RCN3: variants seen among roughly 807,000 people sequenced by gnomAD.
The protein encoded by RCN3 is reticulocalbin 3, also known as reticulocalbin-3.
Under a neutral mutation model 35.9 loss-of-function variants are expected in RCN3, and 41 were observed. That is an observed-to-expected ratio of 1.14 (90% CI 0.89 to 1.48). RCN3 has a LOEUF of 1.48. Among genes scored for constraint, RCN3 ranks in the 40% most tolerant of loss-of-function variants. The pLI, the probability that RCN3 is intolerant of heterozygous loss-of-function variation, is 0.00. For synonymous variants in RCN3, 187 were observed against 193.4 expected (o/e 0.97, Z 0.27); for missense variants, 451 against 471.3 (o/e 0.96, Z 0.40).
intron 5 of RCN3, among the ~76,000 whole-genome samples, chr19:49,539,690 A>G (rs2080154014): frequency 6.6e-6 from 1 of 150,450 alleles, no homozygotes. Context: ...CGGGCAAAAA[A>G]TTTAGTCAAG....
At chr19:49,530,021 G>A (rs2080100767) in intron 2 of RCN3, among the ~76,000 whole-genome samples, 1 of 151,834 alleles carries the variant, frequency 6.6e-6, no homozygotes, top group African/African-American at 2.4e-5. Flanking sequence ...ACGTGATCTC[G>A]GCTCAGTGGA....
chr19:49,530,189 G>C lies in RCN3; in HGVS notation c.242+1475G>C, dbSNP rs993567774. Among the ~76,000 whole-genome samples the C allele has an allele frequency of 6.1e-5, 9 of 147,904 alleles. No individual in the cohort carries two copies. The South Asian group carries it at 6.5e-4, about 11-fold the overall frequency. ...CCTTTTTTTTTTTTGGAGACAGAGT[G>C]AGACTCTGTCTCCCGGGCTAGAGTG... is the stretch of plus-strand genomic sequence containing the variant. On this transcript the variant is annotated intron_variant, in intron 2 of 6. Coordinates refer to ENST00000270645, the MANE Select transcript of RCN3 (RefSeq NM_020650.3).
In RCN3 at chr19:49,534,209, A is replaced by G; in HGVS notation, c.259A>G (p.Met87Val). The change falls in exon 3 of 7, where the codon ATG (methionine) becomes GTG (valine). Residue 87 changes from methionine to valine, a missense_variant. By Grantham distance (21) the Met-to-Val change is conservative (BLOSUM62 1). Coordinates refer to ENST00000270645, the MANE Select transcript of RCN3 (RefSeq NM_020650.3). ...QARLGRIVDRMDRAGDGDGWV... is the reference protein window; with the variant it reads ...QARLGRIVDRVDRAGDGDGWV... ...GGCTTCTAGGCGGATCGTGGACCGCATGGACCGCGCGGGGGACGGCGACGG... is the reference window on the plus strand; with the variant it reads ...GGCTTCTAGGCGGATCGTGGACCGCGTGGACCGCGCGGGGGACGGCGACGG... 2 of 1,493,770 alleles carry G rather than the reference A, an allele frequency of 1.3e-6. No individual in the cohort carries two copies. The highest frequency in any genetic ancestry group is 1.3e-5 in the South Asian group (1 of 78,368). The allele number at this position is 1,493,770 out of a possible 1,614,324, so 92.5% of individuals were successfully genotyped here. A position where few individuals can be genotyped will look rare whatever the true frequency, so the allele number is the denominator to read the frequency against.
Position 49,534,209 on chromosome 19 carries a change from A to C in RCN3, c.259A>C (p.Met87Leu). ...GGCTTCTAGGCGGATCGTGGACCGCATGGACCGCGCGGGGGACGGCGACGG... is the reference window on the plus strand; with the variant it reads ...GGCTTCTAGGCGGATCGTGGACCGCCTGGACCGCGCGGGGGACGGCGACGG... ...QARLGRIVDR[M>L]DRAGDGDGWV... The change falls in exon 3 of 7, where the codon ATG becomes CTG. Residue 87 changes from methionine (M) to leucine (L), a missense_variant. Physicochemically the swap from Met to Leu is conservative, Grantham distance 15 (BLOSUM62 2). Transcript: ENST00000270645. 2.0e-6 allele frequency: 3 copies of C among 1,493,770 alleles called. No homozygotes were observed. The allele number at this position is 1,493,770 out of a possible 1,614,324, so 92.5% of individuals were successfully genotyped here.
At chr19:49,537,263 G>A (rs1601215305) in intron 4 of RCN3, 58 bp downstream of exon 4, 4 of 1,414,460 alleles carry the variant, frequency 2.8e-6, no homozygotes, top group South Asian at 3.1e-5. Flanking sequence ...CAGGCTTCCG[G>A]TTCAGGTCCT....
chr19:49,541,620 G>A (rs2080163271), intron 5 of RCN3, among the ~76,000 whole-genome samples: 2 of 152,050 alleles, frequency 1.3e-5, no homozygotes, highest in South Asian at 2.1e-4. Context: ...GTGGTGGCGG[G>A]TACCTGTAAT....
chr19:49,532,418 C>T (rs1355221770), intron 2 of RCN3, among the ~76,000 whole-genome samples: 3 of 151,964 alleles, frequency 2.0e-5, no homozygotes, highest in African/African-American at 7.3e-5. Flanking sequence ...CTCTGTTGCC[C>T]AGGCTGGAGT....
chr19:49,528,605 C>G lies in RCN3; in HGVS notation c.133C>G (p.His45Asp), dbSNP rs1223589088. The G allele has an allele frequency of 1.2e-6, 2 of 1,611,774 alleles. No individual in the cohort carries two copies. The highest frequency in any genetic ancestry group is 2.2e-5 in the South Asian group (2 of 90,654). ...HQAAPLSDAP[H>D]DDAHGNFQYD... ...GGCGGCCCCCCTGAGCGACGCTCCC[C>G]ATGATGACGCCCACGGGAACTTCCA... The change falls in exon 2 of 7, where the codon CAT becomes GAT. Residue 45 changes from histidine to aspartate, a missense_variant. His to Asp is a moderately conservative substitution (Grantham distance 81). Transcript: ENST00000270645.
intron 2 of RCN3, 83 bp downstream of exon 2, chr19:49,528,797 T>C (rs1193477056): frequency 2.2e-6 from 3 of 1,378,920 alleles, no homozygotes; most frequent in Non-Finnish European, 2.9e-6. Flanking sequence ...GTCAGAGAAA[T>C]GGCGTGGACT....
intron 2 of RCN3, among the ~76,000 whole-genome samples, chr19:49,530,238 C>T (rs1055390589): frequency 6.6e-6 from 1 of 150,894 alleles, no homozygotes; most frequent in Non-Finnish European, 1.5e-5. Context: ...TCAGCTCATG[C>T]AACCTCTGCC....
Position 49,542,542 on chromosome 19 carries a change from C to G in RCN3, c.680-11C>G. On this transcript the variant is annotated splice_polypyrimidine_tract_variant and intron_variant, in intron 5 of 6. Transcript: ENST00000270645. ...TGCCCCTGACCTTGTCCCCTCTGTC[C>G]CGGCCCCCAGCGGATCTGTACTCAG... 1 of 1,572,534 alleles carries G rather than the reference C, an allele frequency of 6.4e-7. No individual in the cohort carries two copies. Among genetic ancestry groups the G allele is most frequent in the Non-Finnish European group, 8.6e-7 (1 of 1,159,022 alleles).
intron 6 of RCN3, 87 bp downstream of exon 6, chr19:49,542,839 C>T (rs2080169977): frequency 2.4e-6 from 3 of 1,261,612 alleles, no homozygotes; most frequent in Non-Finnish European, 3.3e-6. Context: ...GGGCCTGGAG[C>T]TCAGGGTCCC....
chr19:49,532,201 G>A (rs1294539347), intron 2 of RCN3, among the ~76,000 whole-genome samples: 4 of 144,100 alleles, frequency 2.8e-5, no homozygotes, highest in Non-Finnish European at 6.0e-5. Context: ...CGCCTCCCAG[G>A]TTCACGCCAT....
chr19:49,535,776 G>A (rs1281383503), intron 3 of RCN3, among the ~76,000 whole-genome samples: 3 of 151,010 alleles, frequency 2.0e-5, no homozygotes, highest in Non-Finnish European at 4.4e-5. Context: ...CTTGAACCCA[G>A]GAGGCAGAAG....
chr19:49,528,722 A>G lies in RCN3; in HGVS notation c.242+8A>G. 1 of 1,566,980 alleles carries G rather than the reference A, an allele frequency of 6.4e-7. No homozygotes were observed. The highest frequency in any genetic ancestry group is 1.2e-5 in the South Asian group (1 of 85,304). On this transcript the variant is annotated splice_region_variant and intron_variant, in intron 2 of 6. Coordinates refer to ENST00000270645, the MANE Select transcript of RCN3 (RefSeq NM_020650.3). The stretch of plus-strand genomic sequence containing the variant: ...AAGCCAGGCCCGTCTGGGGTAAGAG[A>G]GACATTCGGTTGGGGCGTGTCCAGA...
chr19:49,536,794 TG>T (rs142529843), intron 3 of RCN3, among the ~76,000 whole-genome samples: 3,959 of 144,018 alleles, frequency 0.027, 192 homozygotes, highest in African/African-American at 0.097. Flanking sequence ...TTGGTAGAGA[TG>T]GGGTTTCGCC....
intron 3 of RCN3, among the ~76,000 whole-genome samples, chr19:49,535,721 G>A (rs2080130508): frequency 6.6e-6 from 1 of 151,580 alleles, no homozygotes; most frequent in African/African-American, 2.4e-5. Context: ...GTGATGGTGT[G>A]CACCTGTGAT....
At position 49,536,778 on chromosome 19, in the gene RCN3, A is replaced by G. The variant is rs868627292; in HGVS notation, c.446-255A>G. Among the ~76,000 whole-genome samples the G allele has an allele frequency of 6.3e-5, 9 of 143,922 alleles. 1 individual carries two copies. The South Asian group carries it at 2.0e-3, about 32-fold the overall frequency. 94.4% of individuals were successfully genotyped at this position (143,922 alleles called of 152,430 possible). ...CGTGCCCCACCATGCCCGGCTAAGT[A>G]TTTTTTTGGTAGAGATGGGGTTTCG... On this transcript the variant is annotated intron_variant, in intron 3 of 6. Transcript: ENST00000270645.
intron 4 of RCN3, 51 bp from the exon 5 acceptor site, chr19:49,539,068 C>T (rs768198116): frequency 2.1e-6 from 3 of 1,418,158 alleles, no homozygotes; most frequent in South Asian, 2.7e-5. Context: ...CCAGCCTCCC[C>T]CAGGAGCCAG....
Sources: gnomAD v4.1 joint callset for allele counts (sites outside exome capture counted in the v4.1 genomes callset) on GRCh38, gnomAD v4.1.1 for gene constraint, MANE v1.5 for transcripts, NCBI Gene and HGNC (gene_info 2026-07-23, HGNC 2026-07-21) for gene names.